Variants in APBB2 observed in about 807,000 individuals in gnomAD.
APBB2 encodes Fe65-like 1.
APBB2 carries 38 observed loss-of-function variants against 82.5 expected under a neutral mutation model. The ratio of observed to expected loss-of-function variants is 0.46; its 90% CI spans 0.36 to 0.60. APBB2 has a LOEUF of 0.60. Among genes scored for constraint, APBB2 ranks in the 20% least tolerant of loss-of-function variants. The probability of loss-of-function intolerance (pLI) is 0.00; values close to 1 mark genes in which losing one functional copy is unlikely to be tolerated. For synonymous variants in APBB2, 341 were observed against 368.2 expected, an observed-to-expected ratio of 0.93 and a Z score of 0.85; for missense variants, 772 against 972.3, an observed-to-expected ratio of 0.79 and a Z score of 2.74.
intron 4 of APBB2, among the ~76,000 whole-genome samples, chr4:41,043,254 C>T (rs1722191993): frequency 6.6e-6 from 1 of 152,078 alleles, no homozygotes; most frequent in Admixed American, 6.5e-5. Context: ...GTTAAATGTC[C>T]ATCATTAGGA....
intron 2 of APBB2, among the ~76,000 whole-genome samples, chr4:41,133,504 A>T (rs1756671067): frequency 6.6e-6 from 1 of 152,228 alleles, no homozygotes; most frequent in Non-Finnish European, 1.5e-5. Flanking sequence ...ATCAAACCAG[A>T]AATGTCTCTA....
chr4:41,159,935 AGGAGG>A (rs1764470018), intron 1 of APBB2, among the ~76,000 whole-genome samples: 1 of 31,734 alleles, frequency 3.2e-5, no homozygotes, highest in Admixed American at 4.1e-4. Flanking sequence ...GAGGAGGAGG[AGGAGG>A]AGGAGAAGGA....
At chr4:41,174,156 G>T (rs1769107453) in intron 1 of APBB2, among the ~76,000 whole-genome samples, 1 of 151,970 alleles carries the variant, frequency 6.6e-6, no homozygotes, top group South Asian at 2.1e-4. Flanking sequence ...ATTTTCCTGG[G>T]CCCAGGCAAT....
At chr4:40,982,221 G>GAAAAGAAAGAAAA (rs766666523) in intron 6 of APBB2, among the ~76,000 whole-genome samples, 403 of 12,886 alleles carry the variant, frequency 0.031, 65 homozygotes, top group Middle Eastern at 0.045. Flanking sequence ...AGAAAAGAAA[G>GAAAAGAAAGAAAA]GAAAGAAAGA....
rs34037610 is a variant in APBB2 at position 40,896,069 on chromosome 4, C to CTT, written c.1255-2660_1255-2659dup. Among the ~76,000 whole-genome samples, 826 of 145,908 alleles carry CTT rather than the reference C, an allele frequency of 5.7e-3. 2 individuals carry two copies. Among genetic ancestry groups the CTT allele is most frequent in the Middle Eastern group, 0.014 (4 of 282 alleles). On this transcript the variant is annotated intron_variant, in intron 10 of 17. Coordinates refer to ENST00000508593, the MANE Select transcript of APBB2 (RefSeq NM_004307.2). Reference sequence around the variant, plus strand: ...AACAGCCGGTGACCTCAATACAGTTCTTTTTTTTTTTTTGAGACAGGGTCT... The same window carrying CTT: ...AACAGCCGGTGACCTCAATACAGTTCTTTTTTTTTTTTTTTGAGACAGGGTCT...
At chr4:41,094,543 G>A (rs867367726) in intron 3 of APBB2, among the ~76,000 whole-genome samples, 1 of 152,152 alleles carries the variant, frequency 6.6e-6, no homozygotes, top group Non-Finnish European at 1.5e-5. Flanking sequence ...GAAGACAGAA[G>A]GAATCTTAGA....
chr4:40,938,662 G>T (rs201690696), intron 7 of APBB2, among the ~76,000 whole-genome samples: 128 of 152,286 alleles, frequency 8.4e-4, no homozygotes, highest in Non-Finnish European at 1.6e-3. Context: ...AAATCTCTAC[G>T]AAGTGGTAGC....
At chr4:41,194,995 T>A in intron 1 of APBB2, among the ~76,000 whole-genome samples, 1 of 152,290 alleles carries the variant, frequency 6.6e-6, no homozygotes, top group South Asian at 2.1e-4. Flanking sequence ...ATGGTCTTCT[T>A]TTGGCTTCTA....
At chr4:40,851,988 T>A (rs1378885329) in intron 12 of APBB2, among the ~76,000 whole-genome samples, 2 of 152,094 alleles carry the variant, frequency 1.3e-5, no homozygotes, top group East Asian at 3.9e-4. Flanking sequence ...TTGAAATACA[T>A]ATGGAACAAA....
chr4:40,872,297 A>AT (rs1055966880), intron 12 of APBB2, among the ~76,000 whole-genome samples: 1 of 152,180 alleles, frequency 6.6e-6, no homozygotes, highest in African/African-American at 2.4e-5. Context: ...AGCCACTGAG[A>AT]TTTTTGGTTG....
At chr4:40,905,490 A>G (rs1342799550) in intron 10 of APBB2, among the ~76,000 whole-genome samples, 1 of 152,232 alleles carries the variant, frequency 6.6e-6, no homozygotes, top group Non-Finnish European at 1.5e-5. Flanking sequence ...TCCTTAAATG[A>G]AAACGAAAGG....
intron 1 of APBB2, among the ~76,000 whole-genome samples, chr4:41,211,716 A>G (rs1048380798): frequency 6.6e-6 from 1 of 152,054 alleles, no homozygotes; most frequent in African/African-American, 2.4e-5. Context: ...TCCTGACCTC[A>G]AGTGATCTGC....
At chr4:41,134,816 C>T (rs1368765938) in intron 2 of APBB2, among the ~76,000 whole-genome samples, 1 of 152,150 alleles carries the variant, frequency 6.6e-6, no homozygotes, top group Non-Finnish European at 1.5e-5. Context: ...TTGGCTGTTT[C>T]CCTCAATAAT....
At chr4:40,922,352 T>C (rs142869426) in intron 10 of APBB2, among the ~76,000 whole-genome samples, 347 of 152,364 alleles carry the variant, frequency 2.3e-3, no homozygotes, top group African/African-American at 7.9e-3. Flanking sequence ...AATACATACA[T>C]GCCGAGTGAA....
At chr4:40,918,474 A>G (rs1431274227) in intron 10 of APBB2, among the ~76,000 whole-genome samples, 1 of 152,272 alleles carries the variant, frequency 6.6e-6, no homozygotes, top group African/African-American at 2.4e-5. Flanking sequence ...ATTTACCCAC[A>G]GCCTATCTCT....
intron 3 of APBB2, among the ~76,000 whole-genome samples, 185 bp from the exon 4 acceptor site, chr4:41,065,858 G>A (rs1444712193): frequency 1.3e-5 from 2 of 151,944 alleles, no homozygotes; most frequent in African/African-American, 4.8e-5. Flanking sequence ...CAGGCCCAGG[G>A]CTTGCTGATG....
intron 11 of APBB2, chr4:40,893,057 C>T: frequency 2.1e-6 from 1 of 486,208 alleles, no homozygotes; most frequent in Non-Finnish European, 3.5e-6. Flanking sequence ...AACGCTCTCT[C>T]TCCAGGCCCC....
chr4:40,975,793 A>AACC (rs1797047785), intron 6 of APBB2, among the ~76,000 whole-genome samples: 1 of 101,694 alleles, frequency 9.8e-6, no homozygotes, highest in Non-Finnish European at 2.3e-5. Flanking sequence ...CACACACAAC[A>AACC]ACCACTCTAC....
At chr4:40,895,867 C>A (rs1198982795) in intron 10 of APBB2, among the ~76,000 whole-genome samples, 2 of 152,178 alleles carry the variant, frequency 1.3e-5, no homozygotes, top group African/African-American at 4.8e-5. Context: ...TTACTGTACC[C>A]ATGTTATACA....
Sources: gnomAD v4.1 joint callset for allele counts (sites outside exome capture counted in the v4.1 genomes callset) on GRCh38, gnomAD v4.1.1 for gene constraint, MANE v1.5 for transcripts, NCBI Gene and HGNC (gene_info 2026-07-23, HGNC 2026-07-21) for gene names.